The following MAML3 variants were observed in gnomAD, a reference collection of about 807,000 sequenced individuals.
MAML3 encodes the protein mastermind like transcriptional coactivator 3.
In MAML3, 27 loss-of-function variants were observed where a neutral mutation model predicts 101.9. The ratio of observed to expected loss-of-function variants is 0.27; its 90% CI spans 0.20 to 0.37. The LOEUF (loss-of-function observed/expected upper bound fraction) is 0.37, where lower values mean the gene tolerates loss of function less well. MAML3 is among the 10% of genes least tolerant of loss of function. MAML3 has a pLI of 1.00. For synonymous variants in MAML3, 501 were observed against 555.9 expected, an observed-to-expected ratio of 0.90 and a Z score of 1.39; for missense variants, 1,316 against 1,444.9, an observed-to-expected ratio of 0.91 and a Z score of 1.45.
At chr4:139,798,066 AAGAAAGAAAG>A (rs1433275043) in intron 2 of MAML3, among the ~76,000 whole-genome samples, 2 of 151,368 alleles carry the variant, frequency 1.3e-5, no homozygotes, top group African/African-American at 2.4e-5. Context: ...GAAAGAAAGA[AAGAAAGAAAG>A]AAAGAAAGAA....
rs1728675202 is a variant in MAML3 at position 139,730,790 on chromosome 4, G to C, written c.2080-123C>G. On this transcript the variant is annotated intron_variant, in intron 2 of 4. Transcript: ENST00000509479. ...CCAGCTTATGGACTGGAGGGTTTTT[G>C]AGTGGCACGCATTGCATTTCCATAA... is the stretch of plus-strand genomic sequence containing the variant. 9 of 850,250 alleles carry C rather than the reference G, an allele frequency of 1.1e-5. No homozygotes were observed. The Admixed American group carries it at 1.4e-4, about 13-fold the overall frequency. 52.7% of individuals were successfully genotyped at this position (850,250 alleles called of 1,614,324 possible).
intron 1 of MAML3, among the ~76,000 whole-genome samples, chr4:140,072,648 C>G (rs1325431566): frequency 7.3e-6 from 1 of 137,916 alleles, no homozygotes; most frequent in Non-Finnish European, 1.6e-5. Context: ...CCAACCTGGG[C>G]AACAAGAGCA....
At chr4:139,770,026 C>T (rs2111066150) in intron 2 of MAML3, among the ~76,000 whole-genome samples, 1 of 151,728 alleles carries the variant, frequency 6.6e-6, no homozygotes, top group Non-Finnish European at 1.5e-5. Context: ...TTCAGGCGAT[C>T]CTCCTACTTC....
chr4:139,973,765 A>G (rs115197583), intron 1 of MAML3, among the ~76,000 whole-genome samples: 222 of 152,294 alleles, frequency 1.5e-3, no homozygotes, highest in African/African-American at 5.0e-3. Context: ...TGCTGCCACA[A>G]TTGTCTCTCC....
At chr4:140,030,792 C>G (rs1429237579) in intron 1 of MAML3, among the ~76,000 whole-genome samples, 4 of 152,212 alleles carry the variant, frequency 2.6e-5, no homozygotes, top group Non-Finnish European at 5.9e-5. Context: ...ACTGGGCAAG[C>G]CTCATAACAG....
intron 2 of MAML3, among the ~76,000 whole-genome samples, chr4:139,765,717 G>C (rs948171523): frequency 6.6e-6 from 1 of 152,174 alleles, no homozygotes; most frequent in Non-Finnish European, 1.5e-5. Context: ...GCCAGGTGTG[G>C]TGGCTCATGC....
At chr4:140,124,925 G>A (rs1332934371) in intron 1 of MAML3, among the ~76,000 whole-genome samples, 1 of 152,126 alleles carries the variant, frequency 6.6e-6, no homozygotes, top group East Asian at 1.9e-4. Context: ...GATGATAGAG[G>A]CCCTATATCC....
chr4:139,843,867 G>A (rs978303894), intron 2 of MAML3, among the ~76,000 whole-genome samples: 6 of 152,106 alleles, frequency 3.9e-5, no homozygotes, highest in South Asian at 2.1e-4. Flanking sequence ...TCCCATGGAC[G>A]GCATTGTAGC....
At chr4:140,131,741 T>C (rs1302785976) in intron 1 of MAML3, among the ~76,000 whole-genome samples, 1 of 152,134 alleles carries the variant, frequency 6.6e-6, no homozygotes, top group Non-Finnish European at 1.5e-5. Flanking sequence ...GGGGCAGCAG[T>C]GGTATGTGAT....
chr4:140,141,346 T>A (rs1368569497), intron 1 of MAML3, among the ~76,000 whole-genome samples: 2 of 152,188 alleles, frequency 1.3e-5, no homozygotes, highest in Non-Finnish European at 2.9e-5. Context: ...TTTCTACAGT[T>A]GGCCAGGTCA....
At chr4:140,059,311 G>A (rs1211414504) in intron 1 of MAML3, among the ~76,000 whole-genome samples, 1 of 152,182 alleles carries the variant, frequency 6.6e-6, no homozygotes, top group African/African-American at 2.4e-5. Context: ...AAGGCAAAGT[G>A]GGGATTCAAT....
intron 1 of MAML3, among the ~76,000 whole-genome samples, chr4:139,944,530 T>G (rs1430755860): frequency 6.6e-6 from 1 of 152,202 alleles, no homozygotes; most frequent in Non-Finnish European, 1.5e-5. Flanking sequence ...TATGGCTGCA[T>G]AGTATTCCAT....
At chr4:139,793,647 GCTAA>G (rs912923502) in intron 2 of MAML3, among the ~76,000 whole-genome samples, 26 of 152,164 alleles carry the variant, frequency 1.7e-4, no homozygotes, top group African/African-American at 6.3e-4. Flanking sequence ...AAATCTGTGG[GCTAA>G]CTAACAGCTT....
chr4:140,004,687 A>G (rs1377322243), intron 1 of MAML3, among the ~76,000 whole-genome samples: 1 of 152,010 alleles, frequency 6.6e-6, no homozygotes, highest in East Asian at 1.9e-4. Context: ...TGACGGCTCC[A>G]GGAAAAACGC....
chr4:139,920,811 G>A (rs1364691657), intron 1 of MAML3, among the ~76,000 whole-genome samples: 1 of 152,162 alleles, frequency 6.6e-6, no homozygotes, highest in Non-Finnish European at 1.5e-5. Flanking sequence ...GACTGTCTGG[G>A]GTGAGTGACC....
At chr4:139,908,311 A>G (rs1181198212) in intron 1 of MAML3, among the ~76,000 whole-genome samples, 2 of 152,234 alleles carry the variant, frequency 1.3e-5, no homozygotes, top group Non-Finnish European at 1.5e-5. Context: ...AAGTTTGTCT[A>G]TCACTATTTC....
intron 2 of MAML3, among the ~76,000 whole-genome samples, chr4:139,865,230 T>C (rs997313571): frequency 9.8e-5 from 15 of 152,316 alleles, no homozygotes; most frequent in African/African-American, 3.4e-4. Flanking sequence ...TTATTCTTTT[T>C]CTCCTTGGAG....
In MAML3 at chr4:139,720,016, C is replaced by T; in HGVS notation, c.2724G>A (p.Gly908=). 1 of 1,614,072 alleles carries T rather than the reference C, an allele frequency of 6.2e-7. No individual in the cohort carries two copies. The highest frequency in any genetic ancestry group is 2.2e-5 in the East Asian group (1 of 44,878). Residue 908 remains glycine, a synonymous_variant, in exon 5 of 5, where the codon GGG becomes GGA. Transcript: ENST00000509479. ...GACCAAAGCCACTCACCATTCCAAC[C>T]CCCTGCCCAGAGGCAGGTTGCCTCG... ...QGPRQPASGQ[G]VGMVSGFGQS...
At chr4:139,816,054 A>G (rs562210208) in intron 2 of MAML3, among the ~76,000 whole-genome samples, 2 of 152,308 alleles carry the variant, frequency 1.3e-5, no homozygotes, top group East Asian at 3.9e-4. Context: ...AGACCTAGAA[A>G]TGGTGAGTCA....
Sources: gnomAD v4.1 joint callset for allele counts (sites outside exome capture counted in the v4.1 genomes callset) on GRCh38, gnomAD v4.1.1 for gene constraint, MANE v1.5 for transcripts, NCBI Gene and HGNC (gene_info 2026-07-23, HGNC 2026-07-21) for gene names.